The following PTPRD variants were observed in gnomAD, a reference collection of about 807,000 sequenced individuals.
PTPRD encodes receptor-type tyrosine-protein phosphatase delta.
PTPRD carries 34 observed loss-of-function variants against 214.5 expected under a neutral mutation model. That is an observed-to-expected ratio of 0.16 (90% CI 0.12 to 0.21). The LOEUF (loss-of-function observed/expected upper bound fraction) is 0.21, where lower values mean the gene tolerates loss of function less well. PTPRD is among the 10% of genes least tolerant of loss of function. The pLI is 1.00. For synonymous variants in PTPRD, 1,128 were observed against 845.7 expected (o/e 1.33, Z -5.79); for missense variants, 2,545 against 2,398.7 (o/e 1.06, Z -1.27).
At chr9:8,715,636 T>G (rs753952846) in intron 12 of PTPRD, among the ~76,000 whole-genome samples, 3 of 152,158 alleles carry the variant, frequency 2.0e-5, no homozygotes, top group Non-Finnish European at 4.4e-5. Context: ...CATACGGACC[T>G]ACAAAAATGC....
intron 9 of PTPRD, among the ~76,000 whole-genome samples, chr9:9,383,244 G>A (rs950508199): frequency 7.2e-5 from 11 of 151,948 alleles, no homozygotes; most frequent in Non-Finnish European, 1.6e-4. Context: ...CTAAAGACAA[G>A]AAAATTGTCC....
At chr9:9,063,699 G>C (rs1174037742) in intron 10 of PTPRD, among the ~76,000 whole-genome samples, 1 of 152,104 alleles carries the variant, frequency 6.6e-6, no homozygotes, top group Non-Finnish European at 1.5e-5. Flanking sequence ...GCTTAGTGTA[G>C]CATATGACTA....
chr9:9,406,203 C>T (rs1442510945), intron 8 of PTPRD, among the ~76,000 whole-genome samples: 1 of 151,874 alleles, frequency 6.6e-6, no homozygotes, highest in Non-Finnish European at 1.5e-5. Context: ...CTGAAAAGTG[C>T]TGTTAAAAAG....
intron 39 of PTPRD, among the ~76,000 whole-genome samples, chr9:8,352,850 T>G (rs890050940): frequency 7.2e-5 from 11 of 152,220 alleles, no homozygotes; most frequent in Non-Finnish European, 8.8e-5. Flanking sequence ...TGGTGGCTCA[T>G]GCCTGTAATC....
chr9:10,591,084 T>C (rs1043350794), intron 2 of PTPRD, among the ~76,000 whole-genome samples: 22 of 151,708 alleles, frequency 1.5e-4, no homozygotes, highest in East Asian at 7.8e-4. Flanking sequence ...CAGATTCCAA[T>C]ATGGCCCCAA....
intron 4 of PTPRD, among the ~76,000 whole-genome samples, chr9:9,957,745 A>G (rs1344790547): frequency 3.3e-5 from 5 of 152,192 alleles, no homozygotes; most frequent in African/African-American, 1.2e-4. Flanking sequence ...ACAATACTAA[A>G]GAATAAAGTT....
At chr9:8,891,137 A>ATTTTT (rs761564011) in intron 11 of PTPRD, among the ~76,000 whole-genome samples, 2 of 123,626 alleles carry the variant, frequency 1.6e-5, no homozygotes, top group African/African-American at 6.3e-5. Flanking sequence ...AATTAATCTA[A>ATTTTT]TTTTTTTTTT....
At chr9:8,513,836 T>C (rs979158314) in intron 21 of PTPRD, among the ~76,000 whole-genome samples, 1 of 152,030 alleles carries the variant, frequency 6.6e-6, no homozygotes, top group Non-Finnish European at 1.5e-5. Flanking sequence ...GATCAAATCA[T>C]TGTGCTATTT....
chr9:8,634,073 C>G (rs4740956), intron 13 of PTPRD, among the ~76,000 whole-genome samples: 1 of 151,822 alleles, frequency 6.6e-6, no homozygotes, highest in Non-Finnish European at 1.5e-5. Context: ...TTAGCATTTT[C>G]TGCATTTTTA....
chr9:8,766,668 A>C (rs1175499660), intron 11 of PTPRD, among the ~76,000 whole-genome samples: 2 of 152,194 alleles, frequency 1.3e-5, no homozygotes, highest in African/African-American at 4.8e-5. Context: ...GCAAACATTT[A>C]TTCCTTGATT....
chr9:9,474,880 G>A (rs2094909008), intron 8 of PTPRD, among the ~76,000 whole-genome samples: 3 of 152,212 alleles, frequency 2.0e-5, no homozygotes, highest in South Asian at 4.1e-4. Context: ...GGTTTGCAAA[G>A]AGAGGCAATT....
chr9:9,880,205 T>A (rs150987922), intron 5 of PTPRD, among the ~76,000 whole-genome samples: 2 of 152,148 alleles, frequency 1.3e-5, no homozygotes, highest in African/African-American at 2.4e-5. Context: ...ATGTAAGACA[T>A]GCCTGCTTCC....
At chr9:9,878,979 TG>T (rs1017611260) in intron 5 of PTPRD, among the ~76,000 whole-genome samples, 42 of 152,156 alleles carry the variant, frequency 2.8e-4, no homozygotes, top group African/African-American at 1.0e-3. Flanking sequence ...AATGAATAAA[TG>T]GGAGGAGATT....
chr9:10,219,980 A>G (rs1019429919), intron 3 of PTPRD, among the ~76,000 whole-genome samples: 1 of 151,848 alleles, frequency 6.6e-6, no homozygotes, highest in Admixed American at 6.6e-5. Flanking sequence ...ATAATTTAAT[A>G]AAATGAAGAA....
intron 3 of PTPRD, among the ~76,000 whole-genome samples, chr9:10,215,888 C>T (rs1230152246): frequency 6.6e-6 from 1 of 151,688 alleles, no homozygotes; most frequent in African/African-American, 2.4e-5. Context: ...TTATAAGATT[C>T]AAAAACAAAA....
At position 8,900,551 on chromosome 9, in the gene PTPRD, G is replaced by A. The variant is rs529967163; in HGVS notation, c.-104+118146C>T. On this transcript the variant is annotated intron_variant, in intron 11 of 45. Coordinates refer to ENST00000381196, the MANE Select transcript of PTPRD (RefSeq NM_002839.4). ...CAGTCCTTGGGTCAGGTCACTGTTT[G>A]CCCAGAATTTGACCCTGCATGGTGG... 2.0e-5 allele frequency among the ~76,000 whole-genome samples: 3 copies of A among 152,236 alleles called. No homozygotes were observed. The South Asian group carries it at 6.2e-4, about 32-fold the overall frequency.
rs893248840 is a variant in PTPRD, at chr9:9,640,473, A to C, written c.-286-65692T>G. Among the ~76,000 whole-genome samples the C allele has an allele frequency of 5.3e-5, 8 of 152,164 alleles. No individual in the cohort carries two copies. The East Asian group carries it at 1.5e-3, about 29-fold the overall frequency. On this transcript the variant is annotated intron_variant, in intron 7 of 45. Transcript: ENST00000381196. ...CCTGCCAGAAGCCTCTGCACTTTTC[A>C]TTTAGTTGAGGCAATAAATCACTAT...
At chr9:8,710,248 T>A (rs1324382418) in intron 12 of PTPRD, among the ~76,000 whole-genome samples, 2 of 152,204 alleles carry the variant, frequency 1.3e-5, no homozygotes, top group Non-Finnish European at 2.9e-5. Flanking sequence ...CTTGGCTCTC[T>A]TAAAGGTCTC....
chr9:9,727,944 A>T (rs1228649960), intron 7 of PTPRD, among the ~76,000 whole-genome samples: 1 of 152,180 alleles, frequency 6.6e-6, no homozygotes, highest in African/African-American at 2.4e-5. Flanking sequence ...GTCAAATCCC[A>T]TCTTGAATTG....
Sources: gnomAD v4.1 joint callset for allele counts (sites outside exome capture counted in the v4.1 genomes callset) on GRCh38, gnomAD v4.1.1 for gene constraint, MANE v1.5 for transcripts, NCBI Gene and HGNC (gene_info 2026-07-23, HGNC 2026-07-21) for gene names.